APC: variants seen among roughly 807,000 people sequenced by gnomAD.
APC encodes the protein adenomatous polyposis coli protein.
Under a neutral mutation model 247.0 loss-of-function variants are expected in APC, and 72 were observed. That is an observed-to-expected ratio of 0.29 (90% CI 0.24 to 0.35). APC has a LOEUF of 0.35. Ranked by LOEUF, APC falls within the 10% of genes least tolerant of loss-of-function variation. The pLI is 1.00. For synonymous variants in APC, 1,254 were observed against 1,162.5 expected, an observed-to-expected ratio of 1.08 and a Z score of -1.60; for missense variants, 3,400 against 3,360.7, an observed-to-expected ratio of 1.01 and a Z score of -0.29.
Position 112,845,330 on chromosome 5 carries a change from A to G in APC, c.*1204A>G, listed in dbSNP as rs933944934. 3.4e-5 allele frequency: 8 copies of G among 232,862 alleles called. No individual in the cohort carries two copies. The highest frequency in any genetic ancestry group is 1.7e-4 in the Admixed American group (3 of 17,784). 14.4% of individuals were successfully genotyped at this position (232,862 alleles called of 1,614,324 possible). ...TAGCACAGACTAAGCATTGAGCATA[A>G]TAGGCCCACATAATTTCCTCTTTCT... On this transcript the variant is annotated 3_prime_UTR_variant, in exon 16 of 16. Transcript: ENST00000257430.
At chr5:112,766,909 T>C (rs1052348847) in intron 3 of APC, among the ~76,000 whole-genome samples, 1 of 152,214 alleles carries the variant, frequency 6.6e-6, no homozygotes, top group African/African-American at 2.4e-5. Context: ...TTGATAATAA[T>C]TGAAGCCAGA....
rs765309567 is a variant in APC, at chr5:112,837,559, C to T, written c.1965C>T (p.Ile655=). The T allele has an allele frequency of 1.9e-5, 30 of 1,611,834 alleles. No homozygotes were observed. The highest frequency in any genetic ancestry group is 2.5e-5 in the Non-Finnish European group (29 of 1,178,214). Residue 655 remains isoleucine (I), a synonymous_variant, in exon 16 of 16, where the codon ATC becomes ATT. Coordinates refer to ENST00000257430, the MANE Select transcript of APC (RefSeq NM_000038.6). ...LIATNEDHRQ[I]LRENNCLQTL... The stretch of plus-strand genomic sequence containing the variant: ...TCTCTTGATTTTATTTCAGGCAAAT[C>T]CTAAGAGAGAACAACTGTCTACAAA...
rs1766891062 is a variant in APC at position 112,845,325 on chromosome 5, G to C, written c.*1199G>C. ...CAGCCTAGCACAGACTAAGCATTGA[G>C]CATAATAGGCCCACATAATTTCCTC... On this transcript the variant is annotated 3_prime_UTR_variant, in exon 16 of 16. Transcript: ENST00000257430. 4.3e-6 allele frequency: 1 copy of C among 232,574 alleles called. No homozygotes were observed. Among genetic ancestry groups the C allele is most frequent in the African/African-American group, 2.2e-5 (1 of 45,270 alleles). The allele number at this position is 232,574 out of a possible 1,614,324, so 14.4% of individuals were successfully genotyped here.
chr5:112,755,889 A>G (rs1422313282), intron 2 of APC, among the ~76,000 whole-genome samples: 1 of 151,844 alleles, frequency 6.6e-6, no homozygotes. Context: ...GCAGGAGGAT[A>G]GCTTGAGCCA....
chr5:112,812,535 G>A lies in APC; in HGVS notation c.835-2960G>A, dbSNP rs113994872. On this transcript the variant is annotated intron_variant, in intron 8 of 15. Transcript: ENST00000257430. ...CCATATTCTTCTGACCCTTGCTTAT[G>A]CCTCTGCCTTTGCCTGGGCTGCCCT... Among the ~76,000 whole-genome samples the A allele has an allele frequency of 4.7e-3, 710 of 152,206 alleles. 7 individuals carry two copies. Among genetic ancestry groups the A allele is most frequent in the African/African-American group, 0.017 (689 of 41,542 alleles).
Position 112,841,662 on chromosome 5 carries a change from G to C in APC, c.6068G>C (p.Arg2023Thr). 1 of 1,613,844 alleles carries C rather than the reference G, an allele frequency of 6.2e-7. No individual in the cohort carries two copies. Among genetic ancestry groups the C allele is most frequent in the Non-Finnish European group, 8.5e-7 (1 of 1,179,764 alleles). The change falls in exon 16 of 16, where the codon AGA becomes ACA. Residue 2023 changes from arginine (R) to threonine (T), a missense_variant. Physicochemically the swap from Arg to Thr is moderately conservative, Grantham distance 71. Transcript: ENST00000257430. This position sits in a 1 kb window ranked among gnomAD's most constrained non-coding sequence, Gnocchi z 4.6. ...GAAGATACCCCAGTTTGTTTCTCAAGAAACAGTTCTCTCAGTTCTCTTAGT... is the reference window on the plus strand; with the variant it reads ...GAAGATACCCCAGTTTGTTTCTCAACAAACAGTTCTCTCAGTTCTCTTAGT... ...HVEDTPVCFSRNSSLSSLSID... is the reference protein window; with the variant it reads ...HVEDTPVCFSTNSSLSSLSID...
intron 2 of APC, among the ~76,000 whole-genome samples, chr5:112,759,712 A>G (rs78257879): frequency 4.9e-4 from 74 of 152,306 alleles, no homozygotes; most frequent in African/African-American, 1.6e-3. Flanking sequence ...ACAATGTGTG[A>G]TTATATAGTG....
intron 1 of APC, among the ~76,000 whole-genome samples, chr5:112,726,443 G>A (rs139983564): frequency 8.5e-4 from 130 of 152,256 alleles, no homozygotes; most frequent in Admixed American, 1.5e-3. Context: ...TCCTCTCGGC[G>A]TTCAAACATT....
rs1415610352 is a variant in APC, at chr5:112,707,645, C to G, written c.-73C>G. The G allele has an allele frequency of 4.4e-6, 6 of 1,359,456 alleles. No homozygotes were observed. Among genetic ancestry groups the G allele is most frequent in the Admixed American group, 2.2e-5 (1 of 45,942 alleles). 84.2% of individuals were successfully genotyped at this position (1,359,456 alleles called of 1,614,324 possible). A position where few individuals can be genotyped will look rare whatever the true frequency, so the allele number is the denominator to read the frequency against. On this transcript the variant is annotated 5_prime_UTR_variant, in exon 1 of 14. Transcript: ENST00000507379. ...GGACCGAGGTTGGCTCGATGCTGTT[C>G]CCAGGTACTGTTGTTGGCTGTTGGT... is the stretch of plus-strand genomic sequence containing the variant.
chr5:112,833,103 T>A (rs754510790), intron 14 of APC, among the ~76,000 whole-genome samples: 2 of 151,644 alleles, frequency 1.3e-5, no homozygotes, highest in African/African-American at 2.4e-5. Flanking sequence ...AGCCTTGACC[T>A]CCTGGGCTCA....
chr5:112,801,212 A>G, intron 7 of APC, 67 bp from the exon 8 acceptor site: 2 of 1,359,280 alleles, frequency 1.5e-6, no homozygotes, highest in South Asian at 2.5e-5. Flanking sequence ...AAAAAAAGAA[A>G]AAAAGCCTTG....
chr5:112,795,986 T>C (rs1760177630), intron 7 of APC, among the ~76,000 whole-genome samples: 1 of 152,064 alleles, frequency 6.6e-6, no homozygotes, highest in Admixed American at 6.5e-5. Flanking sequence ...TCCAAGAAGA[T>C]GAAATCAGCA....
At chr5:112,761,344 T>C (rs1755647828) in intron 2 of APC, among the ~76,000 whole-genome samples, 1 of 152,134 alleles carries the variant, frequency 6.6e-6, no homozygotes, top group African/African-American at 2.4e-5. Context: ...ATGTTGCAGT[T>C]AGTAGTCAAG....
chr5:112,729,467 G>T (rs530347737), intron 1 of APC, among the ~76,000 whole-genome samples: 43 of 152,292 alleles, frequency 2.8e-4, no homozygotes, highest in Non-Finnish European at 4.9e-4. Flanking sequence ...CTAGTCATTT[G>T]AAGATTTGGA....
intron 12 of APC, among the ~76,000 whole-genome samples, chr5:112,827,713 A>C (rs559980406): frequency 6.6e-6 from 1 of 152,310 alleles, no homozygotes; most frequent in East Asian, 1.9e-4. Context: ...TATTCACTTT[A>C]TTTCTCTAGT....
At position 112,774,843 on chromosome 5, in the gene APC, T is replaced by C. The variant is rs114032347; in HGVS notation, c.423-786T>C. 6.1e-3 allele frequency among the ~76,000 whole-genome samples: 923 copies of C among 152,284 alleles called. 7 individuals are homozygous for C. Among genetic ancestry groups the C allele is most frequent in the Middle Eastern group, 0.01 (3 of 294 alleles). ...ATACACTATAATAATATGCTACAAT[T>C]TATATTTAAAATGTACATATAAGTA... On this transcript the variant is annotated intron_variant, in intron 4 of 15. Coordinates refer to ENST00000257430, the MANE Select transcript of APC (RefSeq NM_000038.6).
intron 10 of APC, among the ~76,000 whole-genome samples, chr5:112,819,927 G>A (rs552200612): frequency 1.3e-5 from 2 of 152,170 alleles, no homozygotes; most frequent in African/African-American, 4.8e-5. Flanking sequence ...CAGGAACAGA[G>A]CCCAGATCTC....
chr5:112,830,010 C>G (rs1189573396), intron 14 of APC: 1 of 152,086 alleles, frequency 6.6e-6, no homozygotes, highest in Non-Finnish European at 1.5e-5. Context: ...TCTAGGTTTC[C>G]TTTCACCCAG....
intron 1 of APC, among the ~76,000 whole-genome samples, chr5:112,748,980 G>C (rs1561435903): frequency 6.6e-6 from 1 of 152,026 alleles, no homozygotes; most frequent in African/African-American, 2.4e-5. Flanking sequence ...CCCTGTCTCA[G>C]AAAAAAAGAA....
Sources: gnomAD v4.1 joint callset for allele counts (sites outside exome capture counted in the v4.1 genomes callset) on GRCh38, gnomAD v4.1.1 for gene constraint, Gnocchi (gnomAD v3.1) non-coding constraint, MANE v1.5 for transcripts, NCBI Gene and HGNC (gene_info 2026-07-23, HGNC 2026-07-21) for gene names.